The following PRKCE variants were observed in gnomAD, a reference collection of about 807,000 sequenced individuals.
PRKCE encodes protein kinase C epsilon type.
Under a neutral mutation model 85.4 loss-of-function variants are expected in PRKCE, and 16 were observed. The ratio of observed to expected loss-of-function variants is 0.19; its 90% confidence interval spans 0.13 to 0.28. The LOEUF (loss-of-function observed/expected upper bound fraction) is 0.28. Among genes scored for constraint, PRKCE ranks in the 10% least tolerant of loss-of-function variants. The pLI is 1.00. For missense variants in PRKCE, 573 were observed against 975.2 expected (o/e 0.59, Z 5.49); for synonymous variants, 388 against 371.5 (o/e 1.04, Z -0.51).
chr2:46,015,097 GC>G (rs1283197649), intron 10 of PRKCE, among the ~76,000 whole-genome samples: 1 of 152,160 alleles, frequency 6.6e-6, no homozygotes, highest in Non-Finnish European at 1.5e-5. Flanking sequence ...GGACTGCTAG[GC>G]TCTAAAACTT....
intron 2 of PRKCE, among the ~76,000 whole-genome samples, chr2:45,942,858 CAT>C (rs1699982185): frequency 6.6e-6 from 1 of 152,096 alleles, no homozygotes; most frequent in African/African-American, 2.4e-5. Flanking sequence ...TTTAATTAAA[CAT>C]CAGTGGAAAT....
chr2:45,860,626 C>A (rs1183537310), intron 2 of PRKCE, among the ~76,000 whole-genome samples: 1 of 152,130 alleles, frequency 6.6e-6, no homozygotes, highest in Admixed American at 6.6e-5. Flanking sequence ...CATGTGAGTG[C>A]TGGGGAGGGG....
At chr2:45,788,148 C>G (rs1686759335) in intron 1 of PRKCE, among the ~76,000 whole-genome samples, 1 of 152,196 alleles carries the variant, frequency 6.6e-6, no homozygotes, top group Non-Finnish European at 1.5e-5. Context: ...AAGTCTGTGG[C>G]TACTTGGGAT....
At chr2:45,666,431 C>T (rs1236210822) in intron 1 of PRKCE, among the ~76,000 whole-genome samples, 1 of 151,854 alleles carries the variant, frequency 6.6e-6, no homozygotes, top group African/African-American at 2.4e-5. Flanking sequence ...TGGTTTGCAC[C>T]TCCCCGGCTT....
chr2:46,028,139 G>C (rs1707258802), intron 10 of PRKCE, among the ~76,000 whole-genome samples: 1 of 152,060 alleles, frequency 6.6e-6, no homozygotes, highest in South Asian at 2.1e-4. Flanking sequence ...ACGGGGTTTT[G>C]CCATGCTGGC....
chr2:46,108,459 T>C (rs1217188887), intron 11 of PRKCE, among the ~76,000 whole-genome samples: 1 of 152,150 alleles, frequency 6.6e-6, no homozygotes, highest in East Asian at 1.9e-4. Context: ...AAATAAACTA[T>C]GCATGCACAT....
intron 13 of PRKCE, among the ~76,000 whole-genome samples, chr2:46,154,287 C>T (rs1676970790): frequency 1.3e-5 from 2 of 152,098 alleles, no homozygotes. Flanking sequence ...AGTGAGGAGG[C>T]CTCGGGGGTA....
chr2:46,042,384 T>G (rs1708266294), intron 10 of PRKCE, among the ~76,000 whole-genome samples: 2 of 152,196 alleles, frequency 1.3e-5, no homozygotes, highest in South Asian at 2.1e-4. Flanking sequence ...CTGGGTCAGT[T>G]GGAGTTTTTC....
At chr2:45,882,971 C>G (rs1236230471) in intron 2 of PRKCE, among the ~76,000 whole-genome samples, 1 of 152,264 alleles carries the variant, frequency 6.6e-6, no homozygotes, top group Non-Finnish European at 1.5e-5. Flanking sequence ...CAAAGCTGGA[C>G]TGAAACCACA....
chr2:45,814,581 A>C (rs577526365), intron 1 of PRKCE, among the ~76,000 whole-genome samples: 1 of 152,198 alleles, frequency 6.6e-6, no homozygotes, highest in African/African-American at 2.4e-5. Flanking sequence ...GTACATGGAA[A>C]AGGAGGGATG....
intron 11 of PRKCE, among the ~76,000 whole-genome samples, chr2:46,103,480 A>G (rs1316213401): frequency 1.3e-5 from 2 of 152,344 alleles, no homozygotes; most frequent in East Asian, 1.9e-4. Flanking sequence ...GTTCTAACTC[A>G]TGAATACACA....
intron 1 of PRKCE, among the ~76,000 whole-genome samples, chr2:45,678,541 T>C (rs1676646699): frequency 6.6e-6 from 1 of 152,208 alleles, no homozygotes; most frequent in South Asian, 2.1e-4. Flanking sequence ...ACGCCTGATT[T>C]AGTGTATTAA....
chr2:45,858,626 A>C (rs1692876330), intron 2 of PRKCE, among the ~76,000 whole-genome samples: 1 of 152,196 alleles, frequency 6.6e-6, no homozygotes, highest in African/African-American at 2.4e-5. Context: ...AATGGGGGAA[A>C]GATTTTGTAA....
At chr2:46,063,815 C>T (rs1292749618) in intron 10 of PRKCE, among the ~76,000 whole-genome samples, 1 of 152,174 alleles carries the variant, frequency 6.6e-6, no homozygotes, top group East Asian at 1.9e-4. Flanking sequence ...TAGCATTTTC[C>T]TATCAAAGTC....
At chr2:45,961,619 A>G (rs1009463563) in intron 2 of PRKCE, among the ~76,000 whole-genome samples, 4 of 152,172 alleles carry the variant, frequency 2.6e-5, no homozygotes, top group Non-Finnish European at 5.9e-5. Context: ...GCTTTAGCTG[A>G]GGAGCCAGGC....
At chr2:46,006,320 G>A (rs1170493655) in intron 8 of PRKCE, among the ~76,000 whole-genome samples, 1 of 152,222 alleles carries the variant, frequency 6.6e-6, no homozygotes, top group Non-Finnish European at 1.5e-5. Context: ...GAGATTAAAA[G>A]TTATTTAGTC....
At chr2:45,887,988 A>T (rs2105856355) in intron 2 of PRKCE, among the ~76,000 whole-genome samples, 1 of 152,336 alleles carries the variant, frequency 6.6e-6, no homozygotes, top group Non-Finnish European at 1.5e-5. Flanking sequence ...GAAGGATAGA[A>T]TGTATGCTGG....
At chr2:45,947,484 A>T (rs1001055675) in intron 2 of PRKCE, among the ~76,000 whole-genome samples, 6 of 152,262 alleles carry the variant, frequency 3.9e-5, no homozygotes, top group African/African-American at 1.4e-4. Flanking sequence ...TATGTGAATT[A>T]TATCTCAAAC....
chr2:45,914,070 A>G (rs1429473878), intron 2 of PRKCE, among the ~76,000 whole-genome samples: 1 of 152,238 alleles, frequency 6.6e-6, no homozygotes, highest in Non-Finnish European at 1.5e-5. Context: ...CTTAGCAGAT[A>G]CAGCTCTACA....
Sources: allele counts gnomAD v4.1 joint callset (sites outside exome capture counted in the v4.1 genomes callset), GRCh38; gene constraint gnomAD v4.1.1; transcripts MANE v1.5; gene names NCBI Gene and HGNC (gene_info 2026-07-23, HGNC 2026-07-21).